PDE11A: variants seen among roughly 807,000 people sequenced by gnomAD.
The protein encoded by PDE11A is dual 3',5'-cyclic-AMP and -GMP phosphodiesterase 11A.
In PDE11A, 100 loss-of-function variants were observed where a neutral mutation model predicts 100.5. That is an observed-to-expected ratio of 1.00 (90% confidence interval 0.85 to 1.18). PDE11A has a LOEUF of 1.18. Among genes scored for constraint, PDE11A ranks in the 50% most tolerant of loss-of-function variants. The pLI, the probability that PDE11A is intolerant of heterozygous loss-of-function variation, is 0.00. For synonymous variants in PDE11A, 381 were observed against 420.8 expected, an observed-to-expected ratio of 0.91 and a Z score of 1.16; for missense variants, 1,141 against 1,152.6, an observed-to-expected ratio of 0.99 and a Z score of 0.15.
At chr2:177,869,819 C>T (rs1417615054) in intron 5 of PDE11A, among the ~76,000 whole-genome samples, 1 of 152,172 alleles carries the variant, frequency 6.6e-6, no homozygotes, top group Non-Finnish European at 1.5e-5. Context: ...CATCTATGTT[C>T]TCAGTGTTAA....
chr2:177,814,662 G>A (rs1176309087), intron 9 of PDE11A, among the ~76,000 whole-genome samples: 1 of 152,230 alleles, frequency 6.6e-6, no homozygotes, highest in Non-Finnish European at 1.5e-5. Context: ...TAAGAGTTGG[G>A]CTAGAGATTT....
chr2:177,789,643 T>C (rs1281498420), intron 9 of PDE11A, among the ~76,000 whole-genome samples: 1 of 152,046 alleles, frequency 6.6e-6, no homozygotes, highest in South Asian at 2.1e-4. Context: ...GAAAACCCCA[T>C]TGTCTCAGCC....
At chr2:177,915,636 T>C (rs1050141058) in intron 2 of PDE11A, among the ~76,000 whole-genome samples, 1 of 152,224 alleles carries the variant, frequency 6.6e-6, no homozygotes, top group African/African-American at 2.4e-5. Flanking sequence ...TTGACAATTA[T>C]GAAAAAAGCT....
At chr2:178,099,301 G>A (rs548173987) in intron 2 of PDE11A, among the ~76,000 whole-genome samples, 23 of 151,934 alleles carry the variant, frequency 1.5e-4, no homozygotes, top group Admixed American at 9.8e-4. Flanking sequence ...AGCCGCATGT[G>A]GTGGCACACG....
intron 9 of PDE11A, among the ~76,000 whole-genome samples, chr2:177,794,614 G>A (rs72951018): frequency 0.018 from 2,794 of 152,210 alleles, 39 homozygotes; most frequent in Non-Finnish European, 0.029. Context: ...AGGGGCTGCT[G>A]TCAGCCCCAC....
In PDE11A at chr2:177,838,432, TA is replaced by T. The variant is rs202220987; in HGVS notation, c.1500+1818del. 4.7e-4 allele frequency among the ~76,000 whole-genome samples: 71 copies of T among 152,328 alleles called. 1 individual carries two copies. In the East Asian group the frequency reaches 0.013, roughly 27 times the overall value. ...AAGGAAAATAAGCACTTAAATGAAATATTTTTTTAAAAGAAAGACAAAAGCT... is the reference window on the plus strand; with the variant it reads ...AAGGAAAATAAGCACTTAAATGAAATTTTTTTTAAAAGAAAGACAAAAGCT... On this transcript the variant is annotated intron_variant, in intron 6 of 19. Transcript: ENST00000286063.
In PDE11A at chr2:177,871,521, AGT is replaced by A. The variant is rs1244484746; in HGVS notation, c.1367+4336_1367+4337del. Among the ~76,000 whole-genome samples the A allele has an allele frequency of 6.6e-3, 946 of 143,970 alleles. 10 individuals carry two copies. Among genetic ancestry groups the A allele is most frequent in the African/African-American group, 0.023 (905 of 39,432 alleles). 94.4% of individuals were successfully genotyped at this position (143,970 alleles called of 152,430 possible). On this transcript the variant is annotated intron_variant, in intron 5 of 19. Coordinates refer to ENST00000286063, the MANE Select transcript of PDE11A (RefSeq NM_016953.4). The stretch of plus-strand genomic sequence containing the variant: ...CACTTGGAAGAAATGATGAGTCAGT[AGT>A]AAATTATTATTATTATTATTATTAT...
At chr2:177,697,626 A>G (rs1366193823) in intron 14 of PDE11A, among the ~76,000 whole-genome samples, 194 bp from the exon 15 acceptor site, 3 of 152,214 alleles carry the variant, frequency 2.0e-5, no homozygotes, top group Non-Finnish European at 4.4e-5. Context: ...TTTTTGACAA[A>G]GTCTAACAAG....
intron 2 of PDE11A, among the ~76,000 whole-genome samples, chr2:177,928,495 C>G (rs1332489497): frequency 8.3e-6 from 1 of 121,200 alleles, no homozygotes; most frequent in South Asian, 3.3e-4. Flanking sequence ...GTGACCTTGT[C>G]TCTAAATACG....
intron 1 of PDE11A, among the ~76,000 whole-genome samples, chr2:178,020,182 A>G (rs34479958): frequency 0.055 from 8,449 of 152,296 alleles, 290 homozygotes; most frequent in South Asian, 0.092. Flanking sequence ...TGATGGTTGC[A>G]TATCAATGGT....
chr2:177,916,349 T>G (rs1334801191), intron 2 of PDE11A, among the ~76,000 whole-genome samples: 1 of 152,224 alleles, frequency 6.6e-6, no homozygotes, highest in African/African-American at 2.4e-5. Context: ...TTCCTCCTTC[T>G]GCTCTTGAAC....
chr2:177,713,815 T>A (rs2081391976), intron 12 of PDE11A, among the ~76,000 whole-genome samples: 1 of 152,036 alleles, frequency 6.6e-6, no homozygotes, highest in African/African-American at 2.4e-5. Context: ...TAATTTTATT[T>A]TACTTAAATT....
At chr2:178,069,669 G>A (rs1003610674) in intron 1 of PDE11A, among the ~76,000 whole-genome samples, 1 of 152,104 alleles carries the variant, frequency 6.6e-6, no homozygotes, top group Non-Finnish European at 1.5e-5. Context: ...CAGAGTAAGG[G>A]TAGAGCCCAC....
chr2:177,832,219 T>C (rs1175515519), intron 6 of PDE11A, among the ~76,000 whole-genome samples: 2 of 152,200 alleles, frequency 1.3e-5, no homozygotes, highest in African/African-American at 2.4e-5. Context: ...ATGCAAAGTA[T>C]TGATCCTAGG....
chr2:177,827,136 C>G (rs1256450285), intron 6 of PDE11A, among the ~76,000 whole-genome samples: 2 of 152,110 alleles, frequency 1.3e-5, no homozygotes, highest in East Asian at 1.9e-4. Flanking sequence ...AATCTCAGAG[C>G]CTGGAGCCCC....
chr2:177,660,276 A>G (rs901215981), intron 19 of PDE11A, among the ~76,000 whole-genome samples: 1 of 152,000 alleles, frequency 6.6e-6, no homozygotes, highest in Non-Finnish European at 1.5e-5. Flanking sequence ...AGCCTGGCCT[A>G]CATCCTTATT....
intron 10 of PDE11A, among the ~76,000 whole-genome samples, chr2:177,760,465 G>A (rs1027178186): frequency 6.6e-6 from 1 of 152,058 alleles, no homozygotes; most frequent in African/African-American, 2.4e-5. Flanking sequence ...GAGCTATCTT[G>A]AACAGAGCTT....
intron 5 of PDE11A, among the ~76,000 whole-genome samples, chr2:177,840,993 A>C (rs1422507443): frequency 6.6e-6 from 1 of 152,224 alleles, no homozygotes; most frequent in South Asian, 2.1e-4. Context: ...ACAATAGCCC[A>C]TATACCACTT....
intron 2 of PDE11A, among the ~76,000 whole-genome samples, chr2:177,937,432 C>G (rs1472587491): frequency 6.6e-6 from 1 of 151,198 alleles, no homozygotes. Flanking sequence ...ATTCTCCTGC[C>G]TCAGCCTCCT....
Sources: gnomAD v4.1 joint callset for allele counts (sites outside exome capture counted in the v4.1 genomes callset) on GRCh38, gnomAD v4.1.1 for gene constraint, MANE v1.5 for transcripts, NCBI Gene and HGNC (gene_info 2026-07-23, HGNC 2026-07-21) for gene names.